FGGY: variants seen among roughly 807,000 people sequenced by gnomAD.
The protein encoded by FGGY is FGGY carbohydrate kinase domain-containing protein.
In FGGY, 72 loss-of-function variants were observed where a neutral mutation model predicts 71.3. The observed-to-expected ratio is 1.01, with a 90% CI of 0.84 to 1.23. The LOEUF is 1.23. Ranked by LOEUF, FGGY falls within the 50% of genes most tolerant of loss-of-function variation. The pLI, the probability that FGGY is intolerant of heterozygous loss-of-function variation, is 0.00. For missense variants in FGGY, 668 were observed against 682.3 expected (o/e 0.98, Z 0.23); for synonymous variants, 251 against 250.3 (o/e 1.00, Z -0.02).
chr1:59,417,459 TAGA>T (rs1195301074), intron 5 of FGGY, among the ~76,000 whole-genome samples: 1 of 152,226 alleles, frequency 6.6e-6, no homozygotes, highest in African/African-American at 2.4e-5. Context: ...TTGAGCCTAT[TAGA>T]AGGAGTGGAA....
At chr1:59,639,266 T>G (rs1188795307) in intron 11 of FGGY, among the ~76,000 whole-genome samples, 1 of 152,166 alleles carries the variant, frequency 6.6e-6, no homozygotes, top group Admixed American at 6.5e-5. Flanking sequence ...ACTACTACAA[T>G]TTTGTGGTTA....
chr1:59,537,025 G>A (rs1479742078), intron 7 of FGGY, among the ~76,000 whole-genome samples: 2 of 151,788 alleles, frequency 1.3e-5, no homozygotes. Context: ...GGAAATAAAG[G>A]GTATTCAATT....
intron 2 of FGGY, among the ~76,000 whole-genome samples, chr1:59,327,330 C>A (rs554669572): frequency 1.3e-5 from 2 of 152,312 alleles, no homozygotes; most frequent in East Asian, 3.9e-4. Context: ...TTGTTCATAT[C>A]ATCTTTATCA....
intron 6 of FGGY, among the ~76,000 whole-genome samples, chr1:59,464,538 A>G (rs756939565): frequency 2.0e-5 from 3 of 152,152 alleles, no homozygotes; most frequent in Non-Finnish European, 4.4e-5. Context: ...GGAGATAGAG[A>G]CACACACACA....
chr1:59,613,155 A>C (rs1229234524), intron 9 of FGGY, among the ~76,000 whole-genome samples: 2 of 152,240 alleles, frequency 1.3e-5, no homozygotes, highest in Admixed American at 1.3e-4. Flanking sequence ...GACCTAATAG[A>C]CATCTACAGA....
intron 11 of FGGY, among the ~76,000 whole-genome samples, chr1:59,651,419 T>C (rs867470126): frequency 1.3e-5 from 2 of 148,948 alleles, no homozygotes; most frequent in East Asian, 3.9e-4. Flanking sequence ...GGACTTGCTT[T>C]ATGAATCTGG....
intron 5 of FGGY, among the ~76,000 whole-genome samples, chr1:59,414,383 A>G (rs1032558334): frequency 6.6e-6 from 1 of 152,152 alleles, no homozygotes; most frequent in African/African-American, 2.4e-5. Context: ...GCAGGACTTC[A>G]AGGAAGGGGA....
intron 6 of FGGY, among the ~76,000 whole-genome samples, chr1:59,494,110 C>T (rs533823028): frequency 6.6e-6 from 1 of 152,272 alleles, no homozygotes; most frequent in South Asian, 2.1e-4. Flanking sequence ...AGCATTAGAA[C>T]ACCTTTTTCA....
intron 5 of FGGY, among the ~76,000 whole-genome samples, chr1:59,442,339 G>A (rs960004918): frequency 2.3e-4 from 35 of 152,168 alleles, no homozygotes; most frequent in Non-Finnish European, 4.4e-5. Flanking sequence ...AAGAGCTGAT[G>A]TATTGTTTCT....
intron 11 of FGGY, among the ~76,000 whole-genome samples, chr1:59,652,737 C>G (rs1476701555): frequency 6.6e-6 from 1 of 151,066 alleles, no homozygotes; most frequent in Non-Finnish European, 1.5e-5. Context: ...TCATCTGAAG[C>G]CTTCTTCTCT....
rs373300797 is a variant in FGGY at position 59,529,658 on chromosome 1, T to C, written c.799+17219T>C. On this transcript the variant is annotated intron_variant, in intron 7 of 15. Coordinates refer to ENST00000303721, the MANE Select transcript of FGGY (RefSeq NM_018291.5). ...GGAGATAGATTGGGAGTCTGTCCCA[T>C]CTGAGTACCGTTTTGGAGTTTGTGC... Among the ~76,000 whole-genome samples, 225 of 152,302 alleles carry C rather than the reference T, an allele frequency of 1.5e-3. 2 individuals carry two copies. The highest frequency in any genetic ancestry group is 5.2e-3 in the African/African-American group (215 of 41,562).
chr1:59,539,837 G>A (rs1002891800), intron 7 of FGGY, among the ~76,000 whole-genome samples: 2 of 152,182 alleles, frequency 1.3e-5, no homozygotes, highest in Non-Finnish European at 2.9e-5. Flanking sequence ...GGAAATAGTT[G>A]CAATGCATAT....
intron 1 of FGGY, among the ~76,000 whole-genome samples, chr1:59,317,862 G>C (rs2045727347): frequency 6.6e-6 from 1 of 152,216 alleles, no homozygotes; most frequent in Non-Finnish European, 1.5e-5. Flanking sequence ...TTTGCTGCAT[G>C]GTGCCCTGGT....
intron 7 of FGGY, among the ~76,000 whole-genome samples, chr1:59,528,069 C>A (rs1451024324): frequency 6.6e-6 from 1 of 152,034 alleles, no homozygotes; most frequent in Admixed American, 6.5e-5. Context: ...CACACATGAG[C>A]CTGATGAACT....
Position 59,583,353 on chromosome 1 carries a change from G to A in FGGY, c.904-24450G>A, listed in dbSNP as rs1244193754. 1.3e-4 allele frequency among the ~76,000 whole-genome samples: 18 copies of A among 143,038 alleles called. 3 individuals carry two copies. Among genetic ancestry groups the A allele is most frequent in the East Asian group, 8.2e-4 (4 of 4,870 alleles). The allele number at this position is 143,038 out of a possible 152,430, so 93.8% of individuals were successfully genotyped here. A position where few individuals can be genotyped will look rare whatever the true frequency, so the allele number is the denominator to read the frequency against. On this transcript the variant is annotated intron_variant, in intron 8 of 15. Transcript: ENST00000303721. ...CATTCCTTGTCAATATTATGTCAGC[G>A]GAAAACTTGCTAGCCTTAGAAATAA...
intron 6 of FGGY, among the ~76,000 whole-genome samples, chr1:59,479,316 G>A (rs922889948): frequency 1.3e-5 from 2 of 152,166 alleles, no homozygotes; most frequent in East Asian, 1.9e-4. Flanking sequence ...GGAGGAAGAC[G>A]GTTGGAAATA....
chr1:59,300,933 A>G (rs2042655978), intron 1 of FGGY, among the ~76,000 whole-genome samples: 1 of 152,124 alleles, frequency 6.6e-6, no homozygotes, highest in Non-Finnish European at 1.5e-5. Context: ...TGTTCTTTTT[A>G]AAATTTGTTT....
chr1:59,666,902 T>G (rs1480372418), intron 12 of FGGY, among the ~76,000 whole-genome samples: 1 of 152,206 alleles, frequency 6.6e-6, no homozygotes, highest in African/African-American at 2.4e-5. Flanking sequence ...TGACTCTGTT[T>G]CAGAGTACTA....
chr1:59,300,566 T>G (rs909805022), intron 1 of FGGY, among the ~76,000 whole-genome samples: 1 of 152,228 alleles, frequency 6.6e-6, no homozygotes, highest in Non-Finnish European at 1.5e-5. Context: ...ATATCTTTGC[T>G]TAACCTAAGG....
Sources: gnomAD v4.1 joint callset for allele counts (sites outside exome capture counted in the v4.1 genomes callset) on GRCh38, gnomAD v4.1.1 for gene constraint, MANE v1.5 for transcripts, NCBI Gene and HGNC (gene_info 2026-07-23, HGNC 2026-07-21) for gene names.